Variants in CHN2 observed in about 807,000 individuals in gnomAD.
CHN2 encodes the protein chimerin 2, also known as beta-chimaerin.
Under a neutral mutation model 56.3 loss-of-function variants are expected in CHN2, and 35 were observed. The observed-to-expected ratio is 0.62, with a 90% confidence interval of 0.47 to 0.82. The LOEUF is 0.82. Among genes scored for constraint, CHN2 ranks in the 40% least tolerant of loss-of-function variants. The pLI is 0.00. For synonymous variants in CHN2, 210 were observed against 212.8 expected (o/e 0.99, Z 0.12); for missense variants, 491 against 580.5 (o/e 0.85, Z 1.58).
intron 2 of CHN2, among the ~76,000 whole-genome samples, chr7:29,150,815 C>T (rs959680749): frequency 1.3e-5 from 2 of 152,194 alleles, no homozygotes; most frequent in Admixed American, 1.3e-4. Context: ...CCTGGAAACA[C>T]AGCTCAGAGG....
In CHN2 at chr7:29,194,965, C is replaced by G; in HGVS notation, c.24C>G (p.Ser8Arg). The G allele has an allele frequency of 6.3e-7, 1 of 1,585,554 alleles. No homozygotes were observed. MAASSNS[S>R]LSGSSVSSDA... ...AGATGGCAGCGTCCAGCAACTCCAG[C>G]CTGTCCGGCTCGTCGGTGTCCTCCG... The change falls in exon 1 of 13, where the codon AGC becomes AGG. Residue 8 changes from serine to arginine, a missense_variant. Transcript: ENST00000222792.
chr7:29,152,657 C>T (rs1793756982), intron 2 of CHN2, among the ~76,000 whole-genome samples: 1 of 152,124 alleles, frequency 6.6e-6, no homozygotes, highest in African/African-American at 2.4e-5. Context: ...AGGAATTATC[C>T]CTTCTTCTCA....
intron 10 of CHN2, among the ~76,000 whole-genome samples, chr7:29,506,300 C>A (rs1347566007): frequency 2.6e-5 from 4 of 151,990 alleles, no homozygotes; most frequent in African/African-American, 9.7e-5. Flanking sequence ...ACAATAAATA[C>A]CAGATACATT....
intron 2 of CHN2, among the ~76,000 whole-genome samples, chr7:29,358,396 T>C (rs1798475206): frequency 6.6e-6 from 1 of 152,034 alleles, no homozygotes; most frequent in Admixed American, 6.5e-5. Context: ...ACCCTGTCTC[T>C]AAAAAAAATT....
intron 2 of CHN2, among the ~76,000 whole-genome samples, chr7:29,157,923 T>C (rs1794641969): frequency 6.6e-6 from 1 of 152,168 alleles, no homozygotes; most frequent in Non-Finnish European, 1.5e-5. Context: ...TTACTCTTCC[T>C]TATGAAAATA....
intron 3 of CHN2, 144 bp downstream of exon 3, chr7:29,368,131 A>G: frequency 1.9e-6 from 1 of 522,176 alleles, no homozygotes; most frequent in Non-Finnish European, 3.1e-6. Flanking sequence ...CATCTTCATA[A>G]TCTATATTTT....
chr7:29,398,913 T>A (rs920956606), intron 5 of CHN2, among the ~76,000 whole-genome samples: 11 of 152,102 alleles, frequency 7.2e-5, no homozygotes, highest in Non-Finnish European at 1.3e-4. Flanking sequence ...CCTTTTAAAA[T>A]TTTTAAGTAA....
At chr7:29,373,124 A>G (rs1436519371) in intron 3 of CHN2, among the ~76,000 whole-genome samples, 4 of 152,028 alleles carry the variant, frequency 2.6e-5, no homozygotes, top group Admixed American at 2.6e-4. Flanking sequence ...GATCAGAATC[A>G]GCTTTTTTCT....
At chr7:29,196,717 T>C (rs989879932) in intron 1 of CHN2, among the ~76,000 whole-genome samples, 2 of 152,338 alleles carry the variant, frequency 1.3e-5, no homozygotes, top group Non-Finnish European at 2.9e-5. Flanking sequence ...TTCCAGATCT[T>C]GATGTAGCTT....
chr7:29,207,967 A>G (rs1227307043), intron 1 of CHN2, among the ~76,000 whole-genome samples: 1 of 152,178 alleles, frequency 6.6e-6, no homozygotes, highest in African/African-American at 2.4e-5. Context: ...AGTGATTATA[A>G]ATAGTAAATT....
At chr7:29,484,494 C>T (rs950950034) in intron 7 of CHN2, among the ~76,000 whole-genome samples, 1 of 152,180 alleles carries the variant, frequency 6.6e-6, no homozygotes, top group African/African-American at 2.4e-5. Context: ...TGCGGCAGTC[C>T]TTGGCGTTCT....
At chr7:29,341,546 A>G (rs535028785) in intron 1 of CHN2, among the ~76,000 whole-genome samples, 1 of 151,438 alleles carries the variant, frequency 6.6e-6, no homozygotes, top group South Asian at 2.1e-4. Context: ...AGTACCTGAT[A>G]TGCAGAGGAT....
At chr7:29,448,391 A>G (rs540684868) in intron 6 of CHN2, among the ~76,000 whole-genome samples, 2 of 152,272 alleles carry the variant, frequency 1.3e-5, no homozygotes, top group East Asian at 3.9e-4. Context: ...GAAGACTTCT[A>G]AACTCCACTT....
chr7:29,484,046 C>T, intron 7 of CHN2: 1 of 478,234 alleles, frequency 2.1e-6, no homozygotes, highest in Non-Finnish European at 4.1e-6. Context: ...TTGTATCTAG[C>T]TTTTTCAGTC....
intron 2 of CHN2, among the ~76,000 whole-genome samples, chr7:29,160,425 G>A (rs1041301414): frequency 4.6e-5 from 7 of 152,022 alleles, no homozygotes; most frequent in Non-Finnish European, 8.8e-5. Context: ...TTTAGTTTGG[G>A]CAATAATGTA....
chr7:29,369,860 C>T (rs1799470641), intron 3 of CHN2, among the ~76,000 whole-genome samples: 1 of 152,204 alleles, frequency 6.6e-6, no homozygotes. Flanking sequence ...TCCCCCTTGT[C>T]TGACTGTTAA....
At chr7:29,462,409 T>C (rs1204766708) in intron 6 of CHN2, among the ~76,000 whole-genome samples, 1 of 152,200 alleles carries the variant, frequency 6.6e-6, no homozygotes, top group Non-Finnish European at 1.5e-5. Context: ...ACAGCAGGGA[T>C]GGCTTGCTTC....
chr7:29,394,993 CTG>C (rs1801631893), intron 4 of CHN2, among the ~76,000 whole-genome samples: 1 of 152,106 alleles, frequency 6.6e-6, no homozygotes, highest in African/African-American at 2.4e-5. Flanking sequence ...CCTTCAGATT[CTG>C]TGTTTCCCTT....
chr7:29,393,217 A>C (rs978969564), intron 3 of CHN2, among the ~76,000 whole-genome samples: 2 of 152,228 alleles, frequency 1.3e-5, no homozygotes, highest in African/African-American at 2.4e-5. Context: ...TATTGATTTT[A>C]TTTAGAACAT....
Sources: gnomAD v4.1 joint callset for allele counts (sites outside exome capture counted in the v4.1 genomes callset) on GRCh38, gnomAD v4.1.1 for gene constraint, MANE v1.5 for transcripts, NCBI Gene and HGNC (gene_info 2026-07-23, HGNC 2026-07-21) for gene names.